The following MAP4 variants were observed in gnomAD, a reference collection of about 807,000 sequenced individuals.
MAP4 encodes the protein microtubule associated protein 4.
In MAP4, 76 loss-of-function variants were observed where a neutral mutation model predicts 170.2. The observed-to-expected ratio is 0.45, with a 90% CI of 0.37 to 0.54. The LOEUF (loss-of-function observed/expected upper bound fraction) is 0.54. Ranked by LOEUF, MAP4 falls within the 20% of genes least tolerant of loss-of-function variation. The probability of loss-of-function intolerance (pLI) is 0.00; values close to 1 mark genes in which losing one functional copy is unlikely to be tolerated. For missense variants in MAP4, 2,506 were observed against 2,748.0 expected, an observed-to-expected ratio of 0.91 and a Z score of 1.97; for synonymous variants, 909 against 994.5, an observed-to-expected ratio of 0.91 and a Z score of 1.62.
At chr3:48,030,903 CT>C (rs963987612) in intron 1 of MAP4, among the ~76,000 whole-genome samples, 9 of 148,826 alleles carry the variant, frequency 6.0e-5, no homozygotes, top group African/African-American at 2.0e-4. Context: ...AAACAATAGA[CT>C]GAATAAATAA....
chr3:47,869,065 G>C, intron 16 of MAP4, 149 bp downstream of exon 16: 1 of 647,150 alleles, frequency 1.5e-6, no homozygotes, highest in Non-Finnish European at 2.7e-6. Flanking sequence ...TGATGGCCGA[G>C]TCATCAAGCA....
At chr3:47,983,767 C>T (rs2100086887) in intron 2 of MAP4, among the ~76,000 whole-genome samples, 2 of 152,252 alleles carry the variant, frequency 1.3e-5, no homozygotes, top group African/African-American at 2.4e-5. Context: ...GGTACTCCTG[C>T]CTCAGTCTCC....
intron 3 of MAP4, among the ~76,000 whole-genome samples, chr3:47,966,180 C>G (rs1482770477): frequency 6.7e-6 from 1 of 149,798 alleles, no homozygotes; most frequent in African/African-American, 2.5e-5. Flanking sequence ...CTCAAAGGAT[C>G]CTCCTGCCTC....
intron 3 of MAP4, among the ~76,000 whole-genome samples, chr3:47,938,936 A>C (rs1178992023): frequency 6.6e-6 from 1 of 152,234 alleles, no homozygotes; most frequent in Non-Finnish European, 1.5e-5. Context: ...CAAATGTTAG[A>C]TGCTAATCTA....
chr3:47,952,189 C>T (rs2100064666), intron 3 of MAP4, among the ~76,000 whole-genome samples: 1 of 151,920 alleles, frequency 6.6e-6, no homozygotes, highest in Non-Finnish European at 1.5e-5. Flanking sequence ...AGCCCCTCCG[C>T]CCAGCAGCCA....
intron 2 of MAP4, among the ~76,000 whole-genome samples, chr3:47,993,211 C>A (rs1187065820): frequency 6.6e-6 from 1 of 152,096 alleles, no homozygotes; most frequent in East Asian, 1.9e-4. Context: ...ATAGTCCCAG[C>A]TACTTGGAAG....
intron 10 of MAP4, among the ~76,000 whole-genome samples, chr3:47,886,086 T>A (rs1408650923): frequency 6.6e-6 from 1 of 152,238 alleles, no homozygotes; most frequent in Non-Finnish European, 1.5e-5. Flanking sequence ...TAGCTGCCAC[T>A]GGCCCCAGAC....
At chr3:48,046,955 G>A (rs918842379) in intron 1 of MAP4, among the ~76,000 whole-genome samples, 6 of 151,936 alleles carry the variant, frequency 3.9e-5, no homozygotes, top group African/African-American at 1.2e-4. Context: ...TGAGCCGGGC[G>A]TGGTGGCAGG....
intron 2 of MAP4, among the ~76,000 whole-genome samples, chr3:47,985,459 T>C (rs1185925700): frequency 6.6e-6 from 1 of 152,150 alleles, no homozygotes; most frequent in Admixed American, 6.5e-5. Context: ...AATGCTTTTT[T>C]TTAATTGGAA....
intron 1 of MAP4, among the ~76,000 whole-genome samples, chr3:48,056,992 T>C (rs1172709930): frequency 1.3e-5 from 1 of 79,976 alleles, no homozygotes; most frequent in African/African-American, 5.0e-5. Flanking sequence ...GTGGGGGGGG[T>C]CAGCCCCCCT....
intron 10 of MAP4, chr3:47,890,999 A>G (rs1025078492): frequency 1.1e-4 from 165 of 1,451,514 alleles, no homozygotes; most frequent in Non-Finnish European, 1.4e-4. Context: ...CTTGTTCCCA[A>G]TGGAGGCAAA....
intron 1 of MAP4, among the ~76,000 whole-genome samples, chr3:48,035,814 C>G (rs1559831331): frequency 6.6e-6 from 1 of 151,984 alleles, no homozygotes; most frequent in East Asian, 1.9e-4. Context: ...GTGGCACACA[C>G]CTGTAATCCC....
intron 19 of MAP4, 76 bp from the exon 20 acceptor site, chr3:47,853,428 T>TCA: frequency 3.9e-6 from 4 of 1,037,456 alleles, no homozygotes; most frequent in Non-Finnish European, 5.6e-6. Context: ...GTGGTGGGTT[T>TCA]CACACACAGC....
chr3:48,083,787 C>A, intron 1 of MAP4, among the ~76,000 whole-genome samples: 1 of 147,756 alleles, frequency 6.8e-6, no homozygotes. Flanking sequence ...AGTGCAGTGG[C>A]GTGATCTTGG....
intron 3 of MAP4, among the ~76,000 whole-genome samples, chr3:47,939,788 C>T (rs932849903): frequency 1.3e-5 from 2 of 151,536 alleles, no homozygotes; most frequent in African/African-American, 4.9e-5. Context: ...ATTTTCCTCA[C>T]CCCTCCTGGA....
chr3:48,025,941 A>ATAAC (rs1435753053), intron 1 of MAP4, among the ~76,000 whole-genome samples: 104 of 148,796 alleles, frequency 7.0e-4, no homozygotes, highest in Non-Finnish European at 1.3e-3. Flanking sequence ...AATAATAACA[A>ATAAC]TAATAATAAT....
chr3:47,949,806 G>A (rs1272646764), intron 3 of MAP4, among the ~76,000 whole-genome samples: 1 of 152,170 alleles, frequency 6.6e-6, no homozygotes, highest in African/African-American at 2.4e-5. Flanking sequence ...TGGTTCCACT[G>A]TGTTTTCCTC....
chr3:47,878,200 C>A (rs549670612), intron 10 of MAP4, among the ~76,000 whole-genome samples: 1 of 152,204 alleles, frequency 6.6e-6, no homozygotes, highest in South Asian at 2.1e-4. Context: ...TGGGGGAAGG[C>A]ATTTCTAACT....
chr3:47,916,835 G>A lies in MAP4; in HGVS notation c.992C>T (p.Ala331Val). ...RWPTETDVSSAKNVVLPTETE... is the reference protein window; with the variant it reads ...RWPTETDVSSVKNVVLPTETE... ...TTCTGTGGGCAGTACCACATTCTTG[G>A]CTGAAGATACATCTGTTTCTGTGGG... Residue 331 changes from alanine (A) to valine (V), a missense_variant, in exon 7 of 21, where the codon GCC (alanine) becomes GTC (valine). Transcript: ENST00000683076. 1 of 1,614,200 alleles carries A rather than the reference G, an allele frequency of 6.2e-7. No individual in the cohort carries two copies. The highest frequency in any genetic ancestry group is 2.2e-5 in the East Asian group (1 of 44,878).
Sources: allele counts gnomAD v4.1 joint callset (sites outside exome capture counted in the v4.1 genomes callset), GRCh38; gene constraint gnomAD v4.1.1; transcripts MANE v1.5; gene names NCBI Gene and HGNC (gene_info 2026-07-23, HGNC 2026-07-21).